The following DLG2 variants were observed in gnomAD, a reference collection of about 807,000 sequenced individuals.
DLG2 encodes disks large homolog 2.
DLG2 carries 45 observed loss-of-function variants against 132.5 expected under a neutral mutation model. That is an observed-to-expected ratio of 0.34 (90% CI 0.27 to 0.44). The LOEUF is 0.44. Among genes scored for constraint, DLG2 ranks in the 20% least tolerant of loss-of-function variants. The pLI is 1.00. For synonymous variants in DLG2, 424 were observed against 419.6 expected, an observed-to-expected ratio of 1.01 and a Z score of -0.13; for missense variants, 1,045 against 1,196.9, an observed-to-expected ratio of 0.87 and a Z score of 1.87.
At chr11:85,060,139 C>T (rs2063897118) in intron 6 of DLG2, among the ~76,000 whole-genome samples, 1 of 151,388 alleles carries the variant, frequency 6.6e-6, no homozygotes, top group African/African-American at 2.4e-5. Flanking sequence ...ATTTTACTTT[C>T]TGTTTCAGTG....
At chr11:84,655,173 A>G (rs1331575567) in intron 6 of DLG2, among the ~76,000 whole-genome samples, 1 of 152,202 alleles carries the variant, frequency 6.6e-6, no homozygotes, top group East Asian at 1.9e-4. Context: ...CATCATCAAT[A>G]GGTTTGCAGG....
intron 5 of DLG2, among the ~76,000 whole-genome samples, chr11:85,147,598 T>C (rs754979805): frequency 9.2e-5 from 14 of 152,322 alleles, no homozygotes; most frequent in Admixed American, 1.3e-4. Flanking sequence ...AGTATAAATT[T>C]TCATATGCAT....
chr11:85,031,070 AT>A (rs1446074514), intron 6 of DLG2, among the ~76,000 whole-genome samples: 3 of 151,918 alleles, frequency 2.0e-5, no homozygotes, highest in African/African-American at 7.2e-5. Flanking sequence ...GTAATCTATG[AT>A]TTCAGCTTTT....
intron 19 of DLG2, among the ~76,000 whole-genome samples, chr11:83,603,408 C>T (rs1254540701): frequency 1.3e-5 from 2 of 152,090 alleles, no homozygotes; most frequent in African/African-American, 4.8e-5. Context: ...ATAAATATAA[C>T]TCATACATCC....
chr11:84,100,989 T>C (rs1420512443), intron 9 of DLG2, among the ~76,000 whole-genome samples: 1 of 152,198 alleles, frequency 6.6e-6, no homozygotes, highest in Non-Finnish European at 1.5e-5. Context: ...ATGTTTTCTC[T>C]AATTCTGTTT....
intron 8 of DLG2, among the ~76,000 whole-genome samples, chr11:84,233,150 G>A (rs112982290): frequency 1.3e-5 from 2 of 152,098 alleles, no homozygotes; most frequent in African/African-American, 4.8e-5. Flanking sequence ...CATGAGCAGG[G>A]CAGGAGAGAC....
At chr11:84,408,773 T>C (rs989906135) in intron 7 of DLG2, among the ~76,000 whole-genome samples, 2 of 152,282 alleles carry the variant, frequency 1.3e-5, no homozygotes, top group African/African-American at 2.4e-5. Flanking sequence ...TGACCACTTA[T>C]ATCCAGGCAG....
chr11:84,828,605 T>A (rs906441324), intron 6 of DLG2, among the ~76,000 whole-genome samples: 1 of 151,940 alleles, frequency 6.6e-6, no homozygotes, highest in Non-Finnish European at 1.5e-5. Context: ...TCTTCTCATA[T>A]TTAATCTGCC....
chr11:83,683,073 CATT>C (rs2079108580), intron 18 of DLG2, among the ~76,000 whole-genome samples: 1 of 152,164 alleles, frequency 6.6e-6, no homozygotes, highest in African/African-American at 2.4e-5. Flanking sequence ...GACCAAAAAT[CATT>C]AATAGGCAGG....
intron 3 of DLG2, among the ~76,000 whole-genome samples, chr11:85,451,756 C>G (rs1033808186): frequency 1.3e-5 from 2 of 152,168 alleles, no homozygotes; most frequent in African/African-American, 4.8e-5. Context: ...CGCTGTGTTG[C>G]CAAGGCTGGT....
At chr11:83,984,404 T>A (rs1456485193) in intron 11 of DLG2, among the ~76,000 whole-genome samples, 1 of 152,166 alleles carries the variant, frequency 6.6e-6, no homozygotes, top group Non-Finnish European at 1.5e-5. Flanking sequence ...TACTTTGACA[T>A]AACATGCATG....
At chr11:83,705,744 A>G (rs2083815048) in intron 18 of DLG2, among the ~76,000 whole-genome samples, 1 of 152,184 alleles carries the variant, frequency 6.6e-6, no homozygotes, top group Admixed American at 6.5e-5. Flanking sequence ...AATATGCCAT[A>G]AAAGATTTAC....
At chr11:84,960,326 G>A (rs2052363198) in intron 6 of DLG2, among the ~76,000 whole-genome samples, 1 of 152,110 alleles carries the variant, frequency 6.6e-6, no homozygotes, top group Admixed American at 6.5e-5. Context: ...AATATTTAAT[G>A]TCAGTTTTTC....
At chr11:84,863,428 G>A (rs912154551) in intron 6 of DLG2, among the ~76,000 whole-genome samples, 3 of 152,018 alleles carry the variant, frequency 2.0e-5, no homozygotes, top group Non-Finnish European at 4.4e-5. Context: ...TCCTTATCCT[G>A]TGACATATAT....
intron 4 of DLG2, among the ~76,000 whole-genome samples, chr11:85,235,616 G>A (rs191560552): frequency 2.6e-5 from 4 of 151,924 alleles, no homozygotes; most frequent in Non-Finnish European, 5.9e-5. Context: ...AATGAAAAGT[G>A]TGGACCAAAG....
At chr11:83,702,024 GCTTT>G (rs1274015992) in intron 18 of DLG2, among the ~76,000 whole-genome samples, 2 of 152,198 alleles carry the variant, frequency 1.3e-5, no homozygotes, top group African/African-American at 4.8e-5. Context: ...ATAATTTTGT[GCTTT>G]CTTTGTCAGC....
rs35970331 is a variant in DLG2 at position 84,280,867 on chromosome 11, ATT to A, written c.520-29578_520-29577del. ...AGGCGCCTGCCACCATGCCCAGCCA[ATT>A]TTTTTTTTTTTTTTTTTTTTTTTTT... On this transcript the variant is annotated intron_variant, in intron 7 of 27. Transcript: ENST00000376104. Among the ~76,000 whole-genome samples, 660 of 67,676 alleles carry A rather than the reference ATT, an allele frequency of 9.8e-3. 3 individuals carry two copies. Among genetic ancestry groups the A allele is most frequent in the African/African-American group, 0.034 (578 of 16,970 alleles). The allele number at this position is 67,676 out of a possible 152,430, so 44.4% of individuals were successfully genotyped here.
chr11:84,911,542 A>G (rs1016513198), intron 6 of DLG2, among the ~76,000 whole-genome samples: 1 of 152,092 alleles, frequency 6.6e-6, no homozygotes, highest in Non-Finnish European at 1.5e-5. Flanking sequence ...GCTTTTTTAC[A>G]TGCTCCAATA....
chr11:83,560,118 CT>C (rs66687028), intron 19 of DLG2, among the ~76,000 whole-genome samples: 7,175 of 143,536 alleles, frequency 0.05, 216 homozygotes, highest in South Asian at 0.13. Flanking sequence ...CTGAACTTTG[CT>C]TTTTTTTTTT....
Sources: gnomAD v4.1 joint callset for allele counts (sites outside exome capture counted in the v4.1 genomes callset) on GRCh38, gnomAD v4.1.1 for gene constraint, MANE v1.5 for transcripts, NCBI Gene and HGNC (gene_info 2026-07-23, HGNC 2026-07-21) for gene names.